NCOR2: variants seen among roughly 807,000 people sequenced by gnomAD.
The protein encoded by NCOR2 is nuclear receptor corepressor 2.
Under a neutral mutation model 262.9 loss-of-function variants are expected in NCOR2, and 81 were observed. The observed-to-expected ratio is 0.31, with a 90% CI of 0.26 to 0.37. The LOEUF (loss-of-function observed/expected upper bound fraction) is 0.37. NCOR2 is among the 10% of genes least tolerant of loss of function. The probability of loss-of-function intolerance (pLI) is 1.00; values close to 1 mark genes in which losing one functional copy is unlikely to be tolerated. For synonymous variants in NCOR2, 1,659 were observed against 1,559.3 expected, an observed-to-expected ratio of 1.06 and a Z score of -1.51; for missense variants, 3,385 against 3,621.4, an observed-to-expected ratio of 0.93 and a Z score of 1.68.
At chr12:124,479,251 C>T (rs770112701) in intron 3 of NCOR2, among the ~76,000 whole-genome samples, 4 of 152,244 alleles carry the variant, frequency 2.6e-5, no homozygotes, top group African/African-American at 4.8e-5. Context: ...TGCACACACA[C>T]GCACACACAA....
rs1407149151 is a variant in NCOR2 at position 124,341,804 on chromosome 12, G to A, written c.5188+19C>T. 6.3e-7 allele frequency: 1 copy of A among 1,586,276 alleles called. No homozygotes were observed. ...GAATAAGGCCAAACCCAGCGGAGGT[G>A]GTCTGCCCACCCACTCACCTCGGGG... is the stretch of plus-strand genomic sequence containing the variant. On this transcript the variant is annotated intron_variant, in intron 34 of 46. Transcript: ENST00000405201.
intron 22 of NCOR2, among the ~76,000 whole-genome samples, chr12:124,358,769 T>C (rs1593201200): frequency 7.2e-6 from 1 of 139,130 alleles, no homozygotes; most frequent in East Asian, 2.3e-4. Flanking sequence ...CCAGGCGGAG[T>C]GTGCAAAGGG....
chr12:124,385,640 C>T, intron 17 of NCOR2, 105 bp downstream of exon 19: 1 of 1,480,770 alleles, frequency 6.8e-7, no homozygotes, highest in Non-Finnish European at 9.1e-7. Context: ...GCATAATAGC[C>T]CCTCCCTGGC....
intron 13 of NCOR2, among the ~76,000 whole-genome samples, chr12:124,411,176 A>G (rs969531018): frequency 7.9e-5 from 12 of 151,928 alleles, no homozygotes; most frequent in African/African-American, 2.4e-4. Flanking sequence ...AACAGACGAG[A>G]CGTGGACACA....
chr12:124,479,074 C>T (rs11057632), intron 3 of NCOR2, among the ~76,000 whole-genome samples: 12,626 of 152,128 alleles, frequency 0.083, 682 homozygotes, highest in East Asian at 0.16. Context: ...CCAGAGCGCA[C>T]GGACGTGCTG....
chr12:124,431,826 C>A (rs1244098), intron 8 of NCOR2, among the ~76,000 whole-genome samples: 37,564 of 151,052 alleles, frequency 0.25, 4,934 homozygotes, highest in African/African-American at 0.33. Flanking sequence ...GACAGACACA[C>A]AGTCACACAG....
At chr12:124,512,044 G>T (rs970167222) in intron 1 of NCOR2, among the ~76,000 whole-genome samples, 5 of 152,174 alleles carry the variant, frequency 3.3e-5, no homozygotes, top group Non-Finnish European at 7.3e-5. Flanking sequence ...GCCTCAGCGT[G>T]GGACTACAGG....
chr12:124,356,838 G>C, intron 22 of NCOR2, 56 bp from the exon 25 acceptor site: 1 of 1,424,332 alleles, frequency 7.0e-7, no homozygotes. Context: ...GTCAGACCTC[G>C]GGAGCCCTGG....
At chr12:124,494,666 G>A (rs1019359906) in intron 1 of NCOR2, among the ~76,000 whole-genome samples, 1 of 152,168 alleles carries the variant, frequency 6.6e-6, no homozygotes, top group Non-Finnish European at 1.5e-5. Context: ...CAACCTGTGT[G>A]GGGCCTCCTC....
At position 124,456,374 on chromosome 12, in the gene NCOR2, G is replaced by A. The variant is rs187201132; in HGVS notation, c.762+732C>T. On this transcript the variant is annotated intron_variant, in intron 6 of 46. Transcript: ENST00000405201. The stretch of plus-strand genomic sequence containing the variant: ...AGGGGCTGCGGCCCATTCTCTGGGG[G>A]CTAGGGCTTCTGCATCCACCCATCC... Among the ~76,000 whole-genome samples the A allele has an allele frequency of 3.5e-3, 528 of 152,326 alleles. 2 individuals are homozygous for A. The highest frequency in any genetic ancestry group is 0.012 in the African/African-American group (500 of 41,570).
At chr12:124,407,668 T>C (rs898207685) in intron 13 of NCOR2, among the ~76,000 whole-genome samples, 2 of 152,206 alleles carry the variant, frequency 1.3e-5, no homozygotes, top group African/African-American at 4.8e-5. Flanking sequence ...ACGTAGGGGT[T>C]GATGAGATTT....
chr12:124,445,471 G>A (rs2045098363), intron 7 of NCOR2, among the ~76,000 whole-genome samples: 1 of 152,236 alleles, frequency 6.6e-6, no homozygotes, highest in Admixed American at 6.5e-5. Context: ...TGTGCGGCAG[G>A]AAGTCAAGCG....
intron 19 of NCOR2, among the ~76,000 whole-genome samples, chr12:124,372,848 T>C (rs1429223596): frequency 6.6e-6 from 1 of 152,128 alleles, no homozygotes; most frequent in East Asian, 1.9e-4. Flanking sequence ...CTGACCCTGC[T>C]GGCATAACCT....
At chr12:124,521,068 C>A (rs1049336428) in intron 1 of NCOR2, among the ~76,000 whole-genome samples, 1 of 152,184 alleles carries the variant, frequency 6.6e-6, no homozygotes, top group African/African-American at 2.4e-5. Flanking sequence ...CTGCCTCTCT[C>A]GCAACCCAGG....
chr12:124,378,511 C>A lies in NCOR2; in HGVS notation c.2020-127G>T. 5 of 973,074 alleles carry A rather than the reference C, an allele frequency of 5.1e-6. No individual in the cohort carries two copies. The highest frequency in any genetic ancestry group is 1.7e-5 in the South Asian group (1 of 57,988). 60.3% of individuals were successfully genotyped at this position (973,074 alleles called of 1,614,324 possible). On this transcript the variant is annotated intron_variant, in intron 17 of 46. Coordinates refer to ENST00000405201, the Ensembl canonical transcript of NCOR2. This position sits in a 1 kb window ranked among gnomAD's most constrained non-coding sequence, Gnocchi z 4.2. Reference sequence around the variant, plus strand: ...CCGGCCATGTAGCAATGAGGGTGACCGTCCCCCTCACACCCCACCTCGGCA... The same window carrying A: ...CCGGCCATGTAGCAATGAGGGTGACAGTCCCCCTCACACCCCACCTCGGCA...
chr12:124,487,607 A>AC (rs1176384355), intron 1 of NCOR2, among the ~76,000 whole-genome samples: 3 of 150,584 alleles, frequency 2.0e-5, no homozygotes, highest in Non-Finnish European at 4.4e-5. Flanking sequence ...CCATCCACCG[A>AC]CCCCTCCCTC....
At chr12:124,400,313 A>T (rs756804542) in intron 15 of NCOR2, among the ~76,000 whole-genome samples, 188 bp downstream of exon 17, 2 of 152,048 alleles carry the variant, frequency 1.3e-5, no homozygotes, top group Non-Finnish European at 2.9e-5. Flanking sequence ...AGGCACAGAG[A>T]GGTTCAGGAA....
chr12:124,361,323 G>A (rs1832916065), intron 22 of NCOR2, among the ~76,000 whole-genome samples: 1 of 152,188 alleles, frequency 6.6e-6, no homozygotes, highest in African/African-American at 2.4e-5. Context: ...GAACCTCTGG[G>A]GAAGCAGCCC....
At chr12:124,347,650 G>A (rs928397228) in intron 30 of NCOR2, 175 bp downstream of exon 32, 7 of 638,094 alleles carry the variant, frequency 1.1e-5, no homozygotes, top group African/African-American at 1.8e-5. Context: ...TTTGAAATAA[G>A]TAAGAGACAC....
Sources: allele counts gnomAD v4.1 joint callset (sites outside exome capture counted in the v4.1 genomes callset), GRCh38; gene constraint gnomAD v4.1.1; non-coding constraint Gnocchi (gnomAD v3.1); transcripts MANE v1.5; gene names NCBI Gene and HGNC (gene_info 2026-07-23, HGNC 2026-07-21).